PCDHA5: variants seen among roughly 807,000 people sequenced by gnomAD.
The protein encoded by PCDHA5 is protocadherin alpha-5.
Under a neutral mutation model 61.6 loss-of-function variants are expected in PCDHA5, and 43 were observed. The ratio of observed to expected loss-of-function variants is 0.70; its 90% CI spans 0.55 to 0.90. PCDHA5 has a LOEUF of 0.90. Ranked by LOEUF, PCDHA5 falls within the 40% of genes least tolerant of loss-of-function variation. The pLI, the probability that PCDHA5 is intolerant of heterozygous loss-of-function variation, is 0.00. For synonymous variants in PCDHA5, 627 were observed against 543.9 expected (o/e 1.15, Z -2.13); for missense variants, 1,298 against 1,222.7 (o/e 1.06, Z -0.92).
At chr5:141,006,951 T>TA (rs1428990680) in intron 3 of PCDHA5, among the ~76,000 whole-genome samples, 1 of 152,164 alleles carries the variant, frequency 6.6e-6, no homozygotes, top group Non-Finnish European at 1.5e-5. Context: ...GATAGGCAGT[T>TA]ATACATGAGA....
At chr5:140,848,630 G>T in intron 1 of PCDHA5, 1 of 1,593,376 alleles carries the variant, frequency 6.3e-7, no homozygotes, top group Non-Finnish European at 8.6e-7. Flanking sequence ...GCACCTTCGT[G>T]GGCCGCATCG....
chr5:140,858,167 A>G, intron 1 of PCDHA5: 2 of 1,597,724 alleles, frequency 1.3e-6, no homozygotes, highest in Non-Finnish European at 1.7e-6. Flanking sequence ...CGCGGTGTCC[A>G]GCTTGCTGGT....
chr5:140,898,079 C>G (rs1179252797), intron 1 of PCDHA5, among the ~76,000 whole-genome samples: 2 of 151,984 alleles, frequency 1.3e-5, no homozygotes, highest in East Asian at 1.9e-4. Context: ...ATTGTAGATT[C>G]TGGATATTAG....
chr5:140,895,920 C>T (rs1347672044), intron 1 of PCDHA5, among the ~76,000 whole-genome samples: 1 of 152,202 alleles, frequency 6.6e-6, no homozygotes, highest in African/African-American at 2.4e-5. Flanking sequence ...CAACAATTAT[C>T]CTGCCTCAGC....
rs114961630 is a variant in PCDHA5 at position 140,926,715 on chromosome 5, G to A, written c.2353-52234G>A. 1,110 of 952,350 alleles carry A rather than the reference G, an allele frequency of 1.2e-3. 9 individuals carry two copies. The African/African-American group carries it at 0.017, about 15-fold the overall frequency. The allele number at this position is 952,350 out of a possible 1,614,324, so 59.0% of individuals were successfully genotyped here. A position where few individuals can be genotyped will look rare whatever the true frequency, so the allele number is the denominator to read the frequency against. On this transcript the variant is annotated intron_variant, in intron 1 of 3. Transcript: ENST00000529859. ...GCCCGGCTCCCAGCTGGCCAGCCCC[G>A]GCAATGCCGGCGTTCGGGAGGCGCA... is the stretch of plus-strand genomic sequence containing the variant.
intron 3 of PCDHA5, among the ~76,000 whole-genome samples, chr5:140,992,706 G>T (rs1554253120): frequency 1.3e-5 from 2 of 152,138 alleles, no homozygotes; most frequent in Admixed American, 1.3e-4. Context: ...TAATGTTCCT[G>T]CCAGTATTCG....
At chr5:140,937,982 A>G (rs1227498616) in intron 1 of PCDHA5, among the ~76,000 whole-genome samples, 1 of 151,926 alleles carries the variant, frequency 6.6e-6, no homozygotes, top group Non-Finnish European at 1.5e-5. Flanking sequence ...TACTGATTTT[A>G]TGTTAACTTT....
chr5:140,827,884 A>T, intron 1 of PCDHA5: 1 of 684,502 alleles, frequency 1.5e-6, no homozygotes, highest in East Asian at 2.6e-5. Context: ...ACGTGAATTG[A>T]TTTCTTACCT....
In PCDHA5 at chr5:140,838,362, G is replaced by A. The variant is rs145931945; in HGVS notation, c.2352+14235G>A. Among the ~76,000 whole-genome samples, 553 of 150,200 alleles carry A rather than the reference G, an allele frequency of 3.7e-3. 7 individuals carry two copies. Among genetic ancestry groups the A allele is most frequent in the African/African-American group, 0.013 (527 of 40,560 alleles). ...TGGTCTCGAAATCTGGGACTCAAGT[G>A]ATCTGACTGCCTCAGCCTCCCAATG... is the stretch of plus-strand genomic sequence containing the variant. On this transcript the variant is annotated intron_variant, in intron 1 of 3. Coordinates refer to ENST00000529859, the MANE Select transcript of PCDHA5 (RefSeq NM_018908.3).
intron 1 of PCDHA5, chr5:140,829,624 C>T (rs2150171535): frequency 8.4e-5 from 136 of 1,612,064 alleles, no homozygotes; most frequent in Non-Finnish European, 1.1e-4. Flanking sequence ...TTTCGGTGCA[C>T]GCGGAGAGCG....
chr5:140,876,618 T>C (rs781928314), intron 1 of PCDHA5: 7 of 1,614,074 alleles, frequency 4.3e-6, no homozygotes, highest in African/African-American at 1.3e-5. Flanking sequence ...CTGGAGCCAA[T>C]GGACAGGTCA....
intron 3 of PCDHA5, among the ~76,000 whole-genome samples, chr5:140,992,437 T>G (rs1554252912): frequency 6.6e-6 from 1 of 151,938 alleles, no homozygotes; most frequent in African/African-American, 2.4e-5. Context: ...GTTCCAAGAG[T>G]TGGGAGCAGG....
At chr5:140,999,494 C>G (rs2097859711) in intron 3 of PCDHA5, among the ~76,000 whole-genome samples, 1 of 152,064 alleles carries the variant, frequency 6.6e-6, no homozygotes, top group Non-Finnish European at 1.5e-5. Context: ...CTATGTTACC[C>G]AAGAACCTAC....
At chr5:140,889,415 G>A (rs192243576) in intron 1 of PCDHA5, among the ~76,000 whole-genome samples, 212 of 152,058 alleles carry the variant, frequency 1.4e-3, no homozygotes, top group African/African-American at 5.0e-3. Flanking sequence ...AGTCAGTTAC[G>A]TAGATAATAT....
chr5:140,908,816 G>T (rs1606122), intron 1 of PCDHA5, among the ~76,000 whole-genome samples: 42,837 of 152,040 alleles, frequency 0.28, 6,902 homozygotes, highest in East Asian at 0.53. Flanking sequence ...AGAGCCTTTT[G>T]GGTTACTCGA....
At chr5:140,835,757 C>G (rs1467581889) in intron 1 of PCDHA5, 5 of 1,613,396 alleles carry the variant, frequency 3.1e-6, no homozygotes, top group African/African-American at 1.3e-5. Context: ...TCGCGCAGCC[C>G]GAGTATACGG....
Position 140,823,221 on chromosome 5 carries a change from C to T in PCDHA5, c.1446C>T (p.Asp482=), listed in dbSNP as rs1328701255. The T allele has an allele frequency of 2.5e-6, 4 of 1,613,612 alleles. No individual in the cohort carries two copies. The highest frequency in any genetic ancestry group is 1.3e-5 in the African/African-American group (1 of 74,932). The change falls in exon 1 of 4, where the codon GAC becomes GAT. Residue 482 remains aspartate (D), a synonymous_variant. Transcript: ENST00000529859. ...HIFTVSARDA[D]AQENALVSYS... ...TCACGGTGTCTGCACGGGACGCGGA[C>T]GCGCAGGAGAACGCCCTGGTGTCCT... is the stretch of plus-strand genomic sequence containing the variant.
intron 1 of PCDHA5, among the ~76,000 whole-genome samples, chr5:140,973,564 A>T (rs2096593487): frequency 6.6e-6 from 1 of 152,168 alleles, no homozygotes; most frequent in Admixed American, 6.5e-5. Context: ...CTCTTTCCTC[A>T]ATTTTTCTAC....
At chr5:140,876,947 A>G in intron 1 of PCDHA5, 5 of 1,613,496 alleles carry the variant, frequency 3.1e-6, no homozygotes, top group South Asian at 1.1e-5. Flanking sequence ...CTGGTGTCCT[A>G]CTCGCTGGTG....
Sources: allele counts gnomAD v4.1 joint callset (sites outside exome capture counted in the v4.1 genomes callset), GRCh38; gene constraint gnomAD v4.1.1; transcripts MANE v1.5; gene names NCBI Gene and HGNC (gene_info 2026-07-23, HGNC 2026-07-21).